MINDY4: variants seen among roughly 807,000 people sequenced by gnomAD.
MINDY4 encodes probable ubiquitin carboxyl-terminal hydrolase MINDY-4.
In MINDY4, 68 loss-of-function variants were observed where a neutral mutation model predicts 87.0. The ratio of observed to expected loss-of-function variants is 0.78; its 90% CI spans 0.64 to 0.96. The LOEUF (loss-of-function observed/expected upper bound fraction) is 0.96. Ranked by LOEUF, MINDY4 falls within the 40% of genes least tolerant of loss-of-function variation. The pLI is 0.00. For missense variants in MINDY4, 919 were observed against 928.2 expected, an observed-to-expected ratio of 0.99 and a Z score of 0.13; for synonymous variants, 379 against 363.2, an observed-to-expected ratio of 1.04 and a Z score of -0.50.
chr7:30,778,781 G>A (rs1014994704), intron 2 of MINDY4, among the ~76,000 whole-genome samples: 2 of 152,160 alleles, frequency 1.3e-5, no homozygotes, highest in Non-Finnish European at 2.9e-5. Flanking sequence ...TGTGGTTGTC[G>A]GGCTCATTTT....
intron 13 of MINDY4, among the ~76,000 whole-genome samples, chr7:30,864,581 G>A (rs1395278120): frequency 6.6e-6 from 1 of 152,224 alleles, no homozygotes; most frequent in Non-Finnish European, 1.5e-5. Context: ...TGGGCTCAAG[G>A]GAGCCCTTCT....
chr7:30,847,221 A>G (rs1400822279), intron 9 of MINDY4, among the ~76,000 whole-genome samples: 1 of 152,206 alleles, frequency 6.6e-6, no homozygotes, highest in Non-Finnish European at 1.5e-5. Context: ...TGTTTTCTAG[A>G]AAACTGTGTC....
chr7:30,852,219 T>A lies in MINDY4; in HGVS notation c.1551T>A (p.Ala517=). ...TGCACCTTCCTTTCCTTTTTAGGGC[T>A]TCGAGAACACAGCAGTTCAGTCCAA... ...GGRERAVVAL[A]SRTQQFSPTG... The change falls in exon 11 of 18, where the codon GCT becomes GCA. Residue 517 remains alanine, a synonymous_variant. Coordinates refer to ENST00000265299, the MANE Select transcript of MINDY4 (RefSeq NM_032222.3). The A allele has an allele frequency of 6.2e-7, 1 of 1,614,202 alleles. No individual in the cohort carries two copies. The highest frequency in any genetic ancestry group is 8.5e-7 in the Non-Finnish European group (1 of 1,180,020).
chr7:30,877,362 T>C (rs1351567669), intron 15 of MINDY4, among the ~76,000 whole-genome samples: 1 of 152,178 alleles, frequency 6.6e-6, no homozygotes. Context: ...GGAAAACCAG[T>C]TGGGGTCATC....
At chr7:30,776,895 A>C (rs1181312234) in intron 1 of MINDY4, among the ~76,000 whole-genome samples, 2 of 152,134 alleles carry the variant, frequency 1.3e-5, no homozygotes, top group Non-Finnish European at 2.9e-5. Flanking sequence ...GGGCGAATGA[A>C]GTTTGAATGG....
intron 5 of MINDY4, among the ~76,000 whole-genome samples, chr7:30,826,292 T>G (rs1788500828): frequency 6.6e-6 from 1 of 152,196 alleles, no homozygotes; most frequent in Admixed American, 6.5e-5. Context: ...GTCTGTTCAT[T>G]TTACGTATCT....
Position 30,839,244 on chromosome 7 carries a change from T to C in MINDY4, c.1284T>C (p.Asn428=), listed in dbSNP as rs1584298171. 2 of 1,612,856 alleles carry C rather than the reference T, an allele frequency of 1.2e-6. No homozygotes were observed. Among genetic ancestry groups the C allele is most frequent in the Non-Finnish European group, 1.7e-6 (2 of 1,179,572 alleles). ...LLFGSSFCCF[N]EEWKLQSFSF... ...TTGGTTCCAGCTTTTGCTGTTTCAATGAAGAATGGAAACTTCAGAGTTTTT... is the reference window on the plus strand; with the variant it reads ...TTGGTTCCAGCTTTTGCTGTTTCAACGAAGAATGGAAACTTCAGAGTTTTT... The change falls in exon 8 of 18, where the codon AAT becomes AAC. Residue 428 remains asparagine (N), a synonymous_variant. Coordinates refer to ENST00000265299, the MANE Select transcript of MINDY4 (RefSeq NM_032222.3).
At chr7:30,793,343 A>C (rs1294788183) in intron 5 of MINDY4, among the ~76,000 whole-genome samples, 2 of 150,016 alleles carry the variant, frequency 1.3e-5, no homozygotes, top group Non-Finnish European at 3.0e-5. Flanking sequence ...TACTCGAATA[A>C]CTTCCTTTAG....
At chr7:30,851,170 G>A (rs1372470299) in intron 10 of MINDY4, among the ~76,000 whole-genome samples, 1 of 152,248 alleles carries the variant, frequency 6.6e-6, no homozygotes, top group Non-Finnish European at 1.5e-5. Context: ...TGTCCCAGCT[G>A]TGAGGCTAAG....
In MINDY4 at chr7:30,890,329, G is replaced by A. The variant is rs527989997; in HGVS notation, c.2226-1628G>A. Among the ~76,000 whole-genome samples the A allele has an allele frequency of 7.2e-5, 11 of 152,354 alleles. No homozygotes were observed. The South Asian group carries it at 1.0e-3, about 14-fold the overall frequency. On this transcript the variant is annotated intron_variant, in intron 17 of 17. Transcript: ENST00000265299. ...GTCTTGTGTCTAGACTAGGATGAAC[G>A]TGACATCCTTACATTCCCCGATGGT...
intron 13 of MINDY4, among the ~76,000 whole-genome samples, chr7:30,865,642 G>A (rs763241650): frequency 6.6e-6 from 1 of 152,234 alleles, no homozygotes; most frequent in African/African-American, 2.4e-5. Context: ...TAGCCTCAGC[G>A]GGAGCTGGAG....
chr7:30,781,882 G>A, intron 2 of MINDY4, 95 bp from the exon 3 acceptor site: 1 of 819,418 alleles, frequency 1.2e-6, no homozygotes, highest in Non-Finnish European at 1.9e-6. Context: ...GTGAGAAGTT[G>A]ATAAACTTAG....
chr7:30,793,476 C>T (rs924112401), intron 5 of MINDY4, among the ~76,000 whole-genome samples: 55 of 149,002 alleles, frequency 3.7e-4, no homozygotes, highest in African/African-American at 1.2e-3. Context: ...AGCACAGTGG[C>T]GCAATCACAA....
At chr7:30,778,930 G>GT (rs1308282883) in intron 2 of MINDY4, among the ~76,000 whole-genome samples, 2 of 152,210 alleles carry the variant, frequency 1.3e-5, no homozygotes, top group African/African-American at 4.8e-5. Context: ...CCCTGCTTAT[G>GT]TAAGAGTTTC....
chr7:30,778,587 A>G, intron 2 of MINDY4, 36 bp downstream of exon 2: 2 of 1,613,254 alleles, frequency 1.2e-6, no homozygotes, highest in Non-Finnish European at 1.7e-6. Context: ...GGAGTCTTGG[A>G]ACTGAGTTTG....
chr7:30,775,596 C>T (rs1786786589), intron 1 of MINDY4, among the ~76,000 whole-genome samples: 1 of 152,214 alleles, frequency 6.6e-6, no homozygotes, highest in African/African-American at 2.4e-5. Flanking sequence ...TCTATAGCTT[C>T]TCTTCCCTCT....
intron 5 of MINDY4, among the ~76,000 whole-genome samples, chr7:30,813,602 A>G (rs1331264483): frequency 1.3e-5 from 2 of 152,194 alleles, no homozygotes; most frequent in Non-Finnish European, 2.9e-5. Flanking sequence ...TTGCTACCCA[A>G]GGACCCTCAC....
chr7:30,790,062 G>A (rs765916497), intron 4 of MINDY4, among the ~76,000 whole-genome samples: 23 of 152,154 alleles, frequency 1.5e-4, no homozygotes, highest in Non-Finnish European at 2.8e-4. Context: ...GGGCAAATAC[G>A]CATAGGAGTA....
chr7:30,821,384 C>G (rs1251286160), intron 5 of MINDY4, among the ~76,000 whole-genome samples: 1 of 152,116 alleles, frequency 6.6e-6, no homozygotes, highest in African/African-American at 2.4e-5. Context: ...TTGGGAATTT[C>G]AAAGTTGACA....
Sources: allele counts gnomAD v4.1 joint callset (sites outside exome capture counted in the v4.1 genomes callset), GRCh38; gene constraint gnomAD v4.1.1; transcripts MANE v1.5; gene names NCBI Gene and HGNC (gene_info 2026-07-23, HGNC 2026-07-21).